The following ATP11A variants were observed in gnomAD, a reference collection of about 807,000 sequenced individuals.
ATP11A encodes ATPase phospholipid transporting 11A.
Under a neutral mutation model 154.4 loss-of-function variants are expected in ATP11A, and 81 were observed. The ratio of observed to expected loss-of-function variants is 0.52; its 90% confidence interval spans 0.44 to 0.63. ATP11A has a LOEUF of 0.63. ATP11A is among the 30% of genes least tolerant of loss of function. The probability of loss-of-function intolerance (pLI) is 0.00; values close to 1 mark genes in which losing one functional copy is unlikely to be tolerated. For synonymous variants in ATP11A, 623 were observed against 585.9 expected (o/e 1.06, Z -0.91); for missense variants, 1,316 against 1,474.3 (o/e 0.89, Z 1.76).
chr13:112,817,819 G>C (rs2078685099), intron 6 of ATP11A, among the ~76,000 whole-genome samples: 1 of 152,158 alleles, frequency 6.6e-6, no homozygotes, highest in Non-Finnish European at 1.5e-5. Flanking sequence ...TGTCCTTTTT[G>C]TGCATTTTGT....
chr13:112,780,788 G>A (rs2077479169), intron 1 of ATP11A, among the ~76,000 whole-genome samples: 1 of 152,170 alleles, frequency 6.6e-6, no homozygotes, highest in African/African-American at 2.4e-5. Context: ...TAGGAAACCT[G>A]TTACTTGACA....
chr13:112,721,423 G>A (rs1366646030), intron 1 of ATP11A, among the ~76,000 whole-genome samples: 1 of 152,242 alleles, frequency 6.6e-6, no homozygotes, highest in Non-Finnish European at 1.5e-5. Flanking sequence ...TCTCTTGCGT[G>A]TGCATTTGGA....
At chr13:112,795,530 G>A (rs187158858) in intron 2 of ATP11A, among the ~76,000 whole-genome samples, 10 of 152,300 alleles carry the variant, frequency 6.6e-5, no homozygotes, top group East Asian at 1.9e-4. Flanking sequence ...CCTGGACAGC[G>A]TGTACTTTTC....
chr13:112,774,696 G>A (rs2077304024), intron 1 of ATP11A, among the ~76,000 whole-genome samples: 1 of 152,246 alleles, frequency 6.6e-6, no homozygotes. Context: ...TGCATGCACA[G>A]CCCGGACTGC....
rs1048964800 is a variant in ATP11A, at chr13:112,859,544, G to A, written c.2727+92G>A. On this transcript the variant is annotated intron_variant, in intron 23 of 29. Transcript: ENST00000375645. The surrounding 1 kb of genome is among the most constrained non-coding windows in gnomAD (Gnocchi z 4.3). ...CTGTGGGGAGGGGAGACTTGGGAAT[G>A]AGCAGCACTCCCCGGCACCACGAGG... 2.7e-6 allele frequency: 3 copies of A among 1,099,744 alleles called. No homozygotes were observed. Among genetic ancestry groups the A allele is most frequent in the Middle Eastern group, 2.0e-4 (1 of 5,070 alleles). 68.1% of individuals were successfully genotyped at this position (1,099,744 alleles called of 1,614,324 possible).
chr13:112,850,321 G>GT lies in ATP11A; in HGVS notation c.1810-715dup, dbSNP rs532394144. On this transcript the variant is annotated intron_variant, in intron 17 of 29. Transcript: ENST00000375645. ...AGGGGAACACCCTAGATGATCAGGT[G>GT]TGAACCTCTGTGACGGTCGCGCTCA... Among the ~76,000 whole-genome samples, 84 of 152,334 alleles carry GT rather than the reference G, an allele frequency of 5.5e-4. No homozygotes were observed. The South Asian group carries it at 6.4e-3, about 12-fold the overall frequency.
intron 20 of ATP11A, among the ~76,000 whole-genome samples, chr13:112,857,201 A>G (rs1333416448): frequency 6.6e-6 from 1 of 152,164 alleles, no homozygotes; most frequent in Non-Finnish European, 1.5e-5. Context: ...CCATCTCTTC[A>G]TTCTTACAGC....
chr13:112,774,586 C>T (rs1426361935), intron 1 of ATP11A, among the ~76,000 whole-genome samples: 2 of 152,210 alleles, frequency 1.3e-5, no homozygotes, highest in Admixed American at 6.5e-5. Flanking sequence ...ATCACAGTTG[C>T]GGCTCATTTC....
intron 1 of ATP11A, among the ~76,000 whole-genome samples, chr13:112,716,363 G>A (rs1465805576): frequency 6.6e-6 from 1 of 152,122 alleles, no homozygotes; most frequent in African/African-American, 2.4e-5. Context: ...GTGTGGCCTG[G>A]CGTCTCCCCA....
rs2079452015 is a variant in ATP11A at position 112,842,526 on chromosome 13, ACAGG to A, written c.1809+151_1809+154del. On this transcript the variant is annotated intron_variant, in intron 17 of 29. Transcript: ENST00000375645. ...AATCAGCTGGGCCAGAGGCAGACAG[ACAGG>A]CAGCCTCAGCCGGCACCGACCCCAG... 12 of 709,086 alleles carry A rather than the reference ACAGG, an allele frequency of 1.7e-5. No homozygotes were observed. The South Asian group carries it at 2.0e-4, about 12-fold the overall frequency. The allele number at this position is 709,086 out of a possible 1,614,324, so 43.9% of individuals were successfully genotyped here. A position where few individuals can be genotyped will look rare whatever the true frequency, so the allele number is the denominator to read the frequency against.
chr13:112,743,070 G>A (rs1891722916), intron 1 of ATP11A, among the ~76,000 whole-genome samples: 1 of 152,190 alleles, frequency 6.6e-6, no homozygotes, highest in South Asian at 2.1e-4. Context: ...TCTATGGAGA[G>A]GCGAAGTCGT....
At chr13:112,783,460 C>T (rs968288407) in intron 1 of ATP11A, among the ~76,000 whole-genome samples, 17 of 152,240 alleles carry the variant, frequency 1.1e-4, no homozygotes, top group Non-Finnish European at 2.4e-4. Context: ...CTGGTGTCCC[C>T]CTCATGGGTG....
chr13:112,749,694 G>T (rs2076645285), intron 1 of ATP11A, among the ~76,000 whole-genome samples: 1 of 151,034 alleles, frequency 6.6e-6, no homozygotes, highest in Non-Finnish European at 1.5e-5. Context: ...CACGTCTGCT[G>T]AAGGATGCGG....
At chr13:112,691,199 T>G (rs887833271) in intron 1 of ATP11A, among the ~76,000 whole-genome samples, 1 of 151,796 alleles carries the variant, frequency 6.6e-6, no homozygotes, top group Non-Finnish European at 1.5e-5. Context: ...GCGCGGTGGC[T>G]CACGCCTGTA....
chr13:112,874,492 C>G (rs1311035441), intron 27 of ATP11A, among the ~76,000 whole-genome samples: 1 of 152,210 alleles, frequency 6.6e-6, no homozygotes, highest in Non-Finnish European at 1.5e-5. Flanking sequence ...GGAAACGACG[C>G]TGAGTGGTAT....
At chr13:112,800,883 A>G (rs1444808474) in intron 2 of ATP11A, among the ~76,000 whole-genome samples, 2 of 152,210 alleles carry the variant, frequency 1.3e-5, no homozygotes, top group African/African-American at 4.8e-5. Flanking sequence ...TTACAGGCTA[A>G]AAAAGAAAAC....
chr13:112,839,660 G>C (rs2079338956), intron 16 of ATP11A, among the ~76,000 whole-genome samples: 2 of 152,172 alleles, frequency 1.3e-5, no homozygotes, highest in African/African-American at 4.8e-5. Context: ...GTCTTCAGTT[G>C]CTCATTGTAG....
In ATP11A at chr13:112,884,812, C is replaced by T. The variant is rs1305408361; in HGVS notation, c.*2946C>T. ...CTGCTGCATGATTCACACCCAGTCC[C>T]TGCCACAGACCGTCTCAGACACGCA... On this transcript the variant is annotated 3_prime_UTR_variant, in exon 30 of 30. Coordinates refer to ENST00000375645, the MANE Select transcript of ATP11A (RefSeq NM_015205.3). 6.6e-6 allele frequency: 1 copy of T among 150,770 alleles called. No individual in the cohort carries two copies. Among genetic ancestry groups the T allele is most frequent in the Non-Finnish European group, 1.5e-5 (1 of 67,644 alleles). 9.3% of individuals were successfully genotyped at this position (150,770 alleles called of 1,614,324 possible).
chr13:112,777,303 C>A (rs1386335889), intron 1 of ATP11A, among the ~76,000 whole-genome samples: 1 of 152,218 alleles, frequency 6.6e-6, no homozygotes, highest in Non-Finnish European at 1.5e-5. Flanking sequence ...GTGGCTCACG[C>A]CCGTAATCCC....
Sources: gnomAD v4.1 joint callset for allele counts (sites outside exome capture counted in the v4.1 genomes callset) on GRCh38, gnomAD v4.1.1 for gene constraint, Gnocchi (gnomAD v3.1) non-coding constraint, MANE v1.5 for transcripts, NCBI Gene and HGNC (gene_info 2026-07-23, HGNC 2026-07-21) for gene names.